Variants in RIC1 observed in about 807,000 individuals in gnomAD.
The protein encoded by RIC1 is RIC1 partner of RAB6A GEF complex.
Under a neutral mutation model 169.0 loss-of-function variants are expected in RIC1, and 88 were observed. The ratio of observed to expected loss-of-function variants is 0.52; its 90% CI spans 0.44 to 0.62. RIC1 has a LOEUF of 0.62. Among genes scored for constraint, RIC1 ranks in the 20% least tolerant of loss-of-function variants. RIC1 has a pLI of 0.00. For synonymous variants in RIC1, 790 were observed against 601.5 expected (o/e 1.31, Z -4.59); for missense variants, 1,877 against 1,725.5 (o/e 1.09, Z -1.56).
chr9:5,720,453 C>A (rs1467342056), intron 5 of RIC1, 129 bp downstream of exon 5: 3 of 1,141,794 alleles, frequency 2.6e-6, no homozygotes, highest in Non-Finnish European at 3.7e-6. Flanking sequence ...GTATGAGAGG[C>A]GGGGTGAGAG....
At chr9:5,751,691 T>C (rs1825734296) in intron 12 of RIC1, among the ~76,000 whole-genome samples, 1 of 152,182 alleles carries the variant, frequency 6.6e-6, no homozygotes, top group Non-Finnish European at 1.5e-5. Context: ...GCTATTGATT[T>C]AGTTGGATTT....
At chr9:5,725,183 G>C (rs145087157) in intron 6 of RIC1, among the ~76,000 whole-genome samples, 11 of 152,198 alleles carry the variant, frequency 7.2e-5, no homozygotes, top group African/African-American at 2.7e-4. Context: ...AATCTGTCTC[G>C]TCCTGGACTT....
chr9:5,769,415 T>G, intron 22 of RIC1, 159 bp downstream of exon 22: 2 of 1,555,644 alleles, frequency 1.3e-6, no homozygotes, highest in Non-Finnish European at 1.7e-6. Context: ...TGCCCACTGT[T>G]TGACCAAAGA....
intron 2 of RIC1, among the ~76,000 whole-genome samples, chr9:5,660,743 A>G (rs556732390): frequency 2.0e-5 from 3 of 152,094 alleles, no homozygotes; most frequent in East Asian, 3.9e-4. Context: ...GATGCTGGAT[A>G]TTAGACCTTT....
chr9:5,637,313 T>A (rs1818018309), intron 1 of RIC1, among the ~76,000 whole-genome samples: 1 of 151,930 alleles, frequency 6.6e-6, no homozygotes, highest in African/African-American at 2.4e-5. Flanking sequence ...AAGTGATCCA[T>A]CCACCTCGGG....
chr9:5,757,168 C>T (rs984127493), intron 16 of RIC1, 145 bp from the exon 17 acceptor site: 24 of 919,146 alleles, frequency 2.6e-5, no homozygotes, highest in Admixed American at 2.0e-4. Context: ...ACTTCCTGAT[C>T]GAAGGATATA....
At chr9:5,724,321 A>G (rs1415890409) in intron 6 of RIC1, among the ~76,000 whole-genome samples, 2 of 152,170 alleles carry the variant, frequency 1.3e-5, no homozygotes, top group African/African-American at 2.4e-5. Flanking sequence ...CTTTGAAGCA[A>G]TTGTGAATGG....
At chr9:5,691,265 G>C (rs1821577386) in intron 3 of RIC1, among the ~76,000 whole-genome samples, 1 of 151,862 alleles carries the variant, frequency 6.6e-6, no homozygotes, top group Non-Finnish European at 1.5e-5. Context: ...AACAACGCAA[G>C]TCATCTAAAG....
intron 7 of RIC1, among the ~76,000 whole-genome samples, chr9:5,736,621 G>A (rs1824721304): frequency 6.6e-6 from 1 of 152,128 alleles, no homozygotes; most frequent in Non-Finnish European, 1.5e-5. Context: ...TCAGAGAGCT[G>A]TAGAGGGTCT....
At chr9:5,635,622 G>A (rs990381839) in intron 1 of RIC1, among the ~76,000 whole-genome samples, 4 of 152,074 alleles carry the variant, frequency 2.6e-5, no homozygotes, top group African/African-American at 9.7e-5. Flanking sequence ...ATATGGTTTG[G>A]CTCTATTTCC....
chr9:5,636,383 G>A (rs979209230), intron 1 of RIC1, among the ~76,000 whole-genome samples: 3 of 151,966 alleles, frequency 2.0e-5, no homozygotes, highest in Admixed American at 6.6e-5. Context: ...GCAATGGAGC[G>A]ATCTCAACTC....
intron 2 of RIC1, among the ~76,000 whole-genome samples, chr9:5,682,698 GT>G (rs1161250890): frequency 6.6e-6 from 1 of 152,106 alleles, no homozygotes; most frequent in Non-Finnish European, 1.5e-5. Context: ...GAATTTGAAT[GT>G]TGGCCTGCCT....
At chr9:5,743,499 A>G (rs1473100396) in intron 9 of RIC1, among the ~76,000 whole-genome samples, 190 bp from the exon 10 acceptor site, 1 of 152,102 alleles carries the variant, frequency 6.6e-6, no homozygotes, top group Non-Finnish European at 1.5e-5. Context: ...AGTCACTTGG[A>G]CCTCGGAAAA....
intron 2 of RIC1, among the ~76,000 whole-genome samples, chr9:5,680,142 T>G (rs896462716): frequency 3.3e-5 from 5 of 152,326 alleles, no homozygotes; most frequent in African/African-American, 1.2e-4. Flanking sequence ...CTGGATTACA[T>G]TTATTGATTT....
intron 2 of RIC1, among the ~76,000 whole-genome samples, chr9:5,681,961 T>C (rs10815267): frequency 0.3 from 45,584 of 152,056 alleles, 7,959 homozygotes; most frequent in East Asian, 0.61. Flanking sequence ...GTCTGTTTTA[T>C]CCGAGAGTAG....
At chr9:5,674,533 A>G (rs1300783863) in intron 2 of RIC1, among the ~76,000 whole-genome samples, 2 of 152,190 alleles carry the variant, frequency 1.3e-5, no homozygotes, top group Non-Finnish European at 2.9e-5. Flanking sequence ...CAAAAGGGAA[A>G]AAATAAGCTG....
chr9:5,704,051 TTTATTA>T (rs1215863812), intron 3 of RIC1, among the ~76,000 whole-genome samples: 3 of 152,050 alleles, frequency 2.0e-5, no homozygotes, highest in African/African-American at 7.2e-5. Context: ...GGTTTTTTTT[TTTATTA>T]TATTAGGGTC....
chr9:5,632,863 T>C (rs527817496), intron 1 of RIC1, among the ~76,000 whole-genome samples: 3 of 152,326 alleles, frequency 2.0e-5, no homozygotes, highest in Non-Finnish European at 4.4e-5. Context: ...CAGAATGGTA[T>C]CTTTGAATTT....
rs540356099 is a variant in RIC1, at chr9:5,708,111, A to C, written c.333-5785A>C. Among the ~76,000 whole-genome samples the C allele has an allele frequency of 6.4e-4, 98 of 152,222 alleles. 2 individuals are homozygous for C. In the South Asian group the frequency reaches 0.02, roughly 31 times the overall value. ...CTTGGGGATTAAATTAACATCTTGC[A>C]TGTACAACAGCCTAGTTTGAAGTAA... On this transcript the variant is annotated intron_variant, in intron 3 of 25. Transcript: ENST00000414202.
Sources: allele counts gnomAD v4.1 joint callset (sites outside exome capture counted in the v4.1 genomes callset), GRCh38; gene constraint gnomAD v4.1.1; transcripts MANE v1.5; gene names NCBI Gene and HGNC (gene_info 2026-07-23, HGNC 2026-07-21).